N4BP3: variants seen among roughly 807,000 people sequenced by gnomAD.
N4BP3 encodes NEDD4-binding protein 3.
In N4BP3, 33 loss-of-function variants were observed where a neutral mutation model predicts 43.8. The observed-to-expected ratio is 0.75, with a 90% CI of 0.57 to 1.01. N4BP3 has a LOEUF of 1.01. N4BP3 is among the 50% of genes least tolerant of loss of function. N4BP3 has a pLI of 0.00. For missense variants in N4BP3, 756 were observed against 744.2 expected, an observed-to-expected ratio of 1.02 and a Z score of -0.18; for synonymous variants, 326 against 321.9, an observed-to-expected ratio of 1.01 and a Z score of -0.14.
At position 178,121,957 on chromosome 5, in the gene N4BP3, C is replaced by CCCCCCACACCCTGGAGT; in HGVS notation, c.1596_1612dup (p.Arg538ProfsTer20). 6 of 1,609,168 alleles carry CCCCCCACACCCTGGAGT rather than the reference C, an allele frequency of 3.7e-6. No homozygotes were observed. Among genetic ancestry groups the CCCCCCACACCCTGGAGT allele is most frequent in the Non-Finnish European group, 5.1e-6 (6 of 1,178,252 alleles). On this transcript the variant is annotated frameshift_variant, in exon 5 of 5. Transcript: ENST00000274605. LOFTEE classifies it high-confidence loss of function. ...GCAGGAACTGCGGGCACTGCGGGAGCCCCCCACACCCTGGAGTCCCCGGCT... is the reference window on the plus strand; with the variant it reads ...GCAGGAACTGCGGGCACTGCGGGAGCCCCCCACACCCTGGAGTCCCCCACACCCTGGAGTCCCCGGCT...
In N4BP3 at chr5:178,118,654, C is replaced by T. The variant is rs1221221307; in HGVS notation, c.-30-900C>T. Among the ~76,000 whole-genome samples, 1 of 152,124 alleles carries T rather than the reference C, an allele frequency of 6.6e-6. No homozygotes were observed. Among genetic ancestry groups the T allele is most frequent in the Non-Finnish European group, 1.5e-5 (1 of 68,020 alleles). ...TTGGGCCCTTCCTGTTTGTATCCCT[C>T]CCACTGTAGCCCCCAACCCTCCCCC... On this transcript the variant is annotated intron_variant, in intron 1 of 4. Coordinates refer to ENST00000274605, the MANE Select transcript of N4BP3 (RefSeq NM_015111.2). This position sits in a 1 kb window ranked among gnomAD's most constrained non-coding sequence, Gnocchi z 5.4.
intron 3 of N4BP3, among the ~76,000 whole-genome samples, 156 bp from the exon 4 acceptor site, chr5:178,120,942 C>G (rs1042335003): frequency 1.1e-4 from 17 of 152,194 alleles, no homozygotes; most frequent in African/African-American, 3.9e-4. Context: ...GATGGGGACA[C>G]CTCACCCTGG....
Position 178,121,771 on chromosome 5 carries a change from C to G in N4BP3, c.1405C>G (p.Arg469Gly). Reference protein sequence around the residue: ...SEARDSAEQLRAELLQERLRG... With the variant: ...SEARDSAEQLGAELLQERLRG... ...GGCCAGAGACAGTGCTGAGCAGCTG[C>G]GGGCTGAGCTGCTGCAGGAGCGACT... Residue 469 changes from arginine (R) to glycine (G), a missense_variant, in exon 5 of 5, where the codon CGG becomes GGG. Coordinates refer to ENST00000274605, the MANE Select transcript of N4BP3 (RefSeq NM_015111.2). 1 of 1,608,198 alleles carries G rather than the reference C, an allele frequency of 6.2e-7. No individual in the cohort carries two copies. The highest frequency in any genetic ancestry group is 8.5e-7 in the Non-Finnish European group (1 of 1,179,650).
chr5:178,113,845 A>G (rs1373218016), intron 1 of N4BP3, 74 bp downstream of exon 1: 2 of 151,938 alleles, frequency 1.3e-5, no homozygotes, highest in African/African-American at 4.8e-5. Flanking sequence ...CGGGTCGCCA[A>G]GGTCTTGTTT....
Position 178,121,260 on chromosome 5 carries a change from G to A in N4BP3, c.1015G>A (p.Ala339Thr), listed in dbSNP as rs1236207437. ...EQRRLRKELRAQQGLAPEPRA... is the reference protein window; with the variant it reads ...EQRRLRKELRTQQGLAPEPRA... Reference sequence around the variant, plus strand: ...GCGGCGCCTGCGCAAGGAGCTGCGGGCTCAGCAGGGCCTGGCTCCGGAGCC... The same window carrying A: ...GCGGCGCCTGCGCAAGGAGCTGCGGACTCAGCAGGGCCTGGCTCCGGAGCC... The change falls in exon 4 of 5, where the codon GCT (alanine) becomes ACT (threonine). Residue 339 changes from alanine to threonine, a missense_variant. Physicochemically the swap from Ala to Thr is moderately conservative, Grantham distance 58 (BLOSUM62 0). Transcript: ENST00000274605. 7 of 1,606,208 alleles carry A rather than the reference G, an allele frequency of 4.4e-6. No homozygotes were observed. The highest frequency in any genetic ancestry group is 5.9e-6 in the Non-Finnish European group (7 of 1,176,854).
chr5:178,114,205 C>T (rs1287997093), intron 1 of N4BP3, among the ~76,000 whole-genome samples: 1 of 152,232 alleles, frequency 6.6e-6, no homozygotes, highest in Non-Finnish European at 1.5e-5. Context: ...CCTCCCACCC[C>T]GCCCCCCAGG....
At position 178,120,751 on chromosome 5, in the gene N4BP3, C is replaced by T. The variant is rs770353297; in HGVS notation, c.852+52C>T. 3 of 1,499,812 alleles carry T rather than the reference C, an allele frequency of 2.0e-6. No individual in the cohort carries two copies. The South Asian group carries it at 4.0e-5, about 20-fold the overall frequency. The allele number at this position is 1,499,812 out of a possible 1,614,324, so 92.9% of individuals were successfully genotyped here. ...TGTTCTGTGCCTCAGCACTGGGGTA[C>T]AGGCCAGAGAGAGGGGCCCCAGCCA... On this transcript the variant is annotated intron_variant, in intron 3 of 4. Coordinates refer to ENST00000274605, the MANE Select transcript of N4BP3 (RefSeq NM_015111.2).
Position 178,123,427 on chromosome 5 carries a change from G to C in N4BP3, c.*1426G>C, listed in dbSNP as rs1288594952. The stretch of plus-strand genomic sequence containing the variant: ...ATGTCAGCTCACCAGTCTCTTCCCT[G>C]ACAGGGCAGCTCAGGGAACTTCTGA... On this transcript the variant is annotated 3_prime_UTR_variant, in exon 5 of 5. Coordinates refer to ENST00000274605, the MANE Select transcript of N4BP3 (RefSeq NM_015111.2). The C allele has an allele frequency of 6.6e-6, 1 of 152,314 alleles. No individual in the cohort carries two copies. The highest frequency in any genetic ancestry group is 6.5e-5 in the Admixed American group (1 of 15,292). 9.4% of individuals were successfully genotyped at this position (152,314 alleles called of 1,614,324 possible).
downstream of N4BP3, among the ~76,000 whole-genome samples, chr5:178,126,713 G>T (rs1379928542): frequency 6.6e-6 from 1 of 152,124 alleles, no homozygotes; most frequent in African/African-American, 2.4e-5. Context: ...GAATGCCATT[G>T]TCTTGAGCCC....
intron 2 of N4BP3, 103 bp from the exon 3 acceptor site, chr5:178,120,075 C>G (rs1013952040): frequency 6.7e-7 from 1 of 1,492,300 alleles, no homozygotes; most frequent in African/African-American, 1.4e-5. Context: ...ACGTGCCCCG[C>G]GGTCTCAAAG....
intron 3 of N4BP3, 76 bp downstream of exon 3, chr5:178,120,775 C>G: frequency 6.9e-7 from 1 of 1,455,234 alleles, no homozygotes; most frequent in Admixed American, 2.7e-5. Flanking sequence ...GGGCCCCAGC[C>G]AGTTCACCCA....
At chr5:178,121,409 C>T (rs1757920071) in intron 4 of N4BP3, 57 bp downstream of exon 4, 3 of 1,612,876 alleles carry the variant, frequency 1.9e-6, no homozygotes, top group Non-Finnish European at 2.5e-6. Context: ...GTCCCTTCTT[C>T]TGCCTGCCCC....
chr5:178,117,090 G>A (rs1473183982), intron 1 of N4BP3, among the ~76,000 whole-genome samples: 3 of 152,198 alleles, frequency 2.0e-5, no homozygotes, highest in Non-Finnish European at 2.9e-5. Flanking sequence ...TGGGATTACA[G>A]GTGTGAGCCA....
In N4BP3 at chr5:178,121,875, C is replaced by T. The variant is rs764110378; in HGVS notation, c.1509C>T (p.Tyr503=). Reference sequence around the variant, plus strand: ...AGGAGAAGGAGCGCGTGCTGCGCTACCAGCGGGAGATCCAGGGAGGGTACA... The same window carrying T: ...AGGAGAAGGAGCGCGTGCTGCGCTATCAGCGGGAGATCCAGGGAGGGTACA... ...WQEEKERVLR[Y]QREIQGGYMD... Residue 503 remains tyrosine, a synonymous_variant, in exon 5 of 5, where the codon TAC becomes TAT. Transcript: ENST00000274605. The T allele has an allele frequency of 3.7e-6, 6 of 1,609,936 alleles. No homozygotes were observed. Among genetic ancestry groups the T allele is most frequent in the Non-Finnish European group, 5.1e-6 (6 of 1,179,174 alleles).
Position 178,123,313 on chromosome 5 carries a change from T to G in N4BP3, c.*1312T>G, listed in dbSNP as rs968030534. ...GGGCTGCCATGCATTGCGTGCTTAC[T>G]GGGCGCCAGGTGCTGTGCTGGGCCC... On this transcript the variant is annotated 3_prime_UTR_variant, in exon 5 of 5. Coordinates refer to ENST00000274605, the MANE Select transcript of N4BP3 (RefSeq NM_015111.2). 6.6e-6 allele frequency: 1 copy of G among 152,378 alleles called. No individual in the cohort carries two copies. Among genetic ancestry groups the G allele is most frequent in the Non-Finnish European group, 1.5e-5 (1 of 68,138 alleles). The allele number at this position is 152,378 out of a possible 1,614,324, so 9.4% of individuals were successfully genotyped here.
intron 3 of N4BP3, among the ~76,000 whole-genome samples, 167 bp downstream of exon 3, chr5:178,120,866 A>G (rs1212044264): frequency 6.6e-6 from 1 of 152,144 alleles, no homozygotes; most frequent in Non-Finnish European, 1.5e-5. Context: ...TGGGGATGTC[A>G]TGTCACTGGG....
Position 178,118,034 on chromosome 5 carries a change from G to A in N4BP3, c.-30-1520G>A, listed in dbSNP as rs976300969. Among the ~76,000 whole-genome samples the A allele has an allele frequency of 1.3e-5, 2 of 152,186 alleles. No individual in the cohort carries two copies. Among genetic ancestry groups the A allele is most frequent in the African/African-American group, 4.8e-5 (2 of 41,460 alleles). On this transcript the variant is annotated intron_variant, in intron 1 of 4. Transcript: ENST00000274605. The surrounding 1 kb of genome is among the most constrained non-coding windows in gnomAD (Gnocchi z 5.4). ...AGTAGGGGACCCACAGCTGCAGCTGGCCTGCTGGGCTTCTGTTCGAGAATG... is the reference window on the plus strand; with the variant it reads ...AGTAGGGGACCCACAGCTGCAGCTGACCTGCTGGGCTTCTGTTCGAGAATG...
chr5:178,121,322 T>C lies in N4BP3; in HGVS notation c.1077T>C (p.Ser359=). 1 of 1,603,462 alleles carries C rather than the reference T, an allele frequency of 6.2e-7. No individual in the cohort carries two copies. The highest frequency in any genetic ancestry group is 8.5e-7 in the Non-Finnish European group (1 of 1,173,628). The stretch of plus-strand genomic sequence containing the variant: ...GCACCCTCCCAGAGGCTGACCCCAG[T>C]GCACGACCAGAGGAGGAAGCCCGAT... ...APGTLPEADP[S]ARPEEEARWE... The change falls in exon 4 of 5, where the codon AGT becomes AGC. Residue 359 remains serine (S), a synonymous_variant. Transcript: ENST00000274605.
intron 1 of N4BP3, among the ~76,000 whole-genome samples, chr5:178,116,881 G>T (rs940397054): frequency 9.9e-5 from 15 of 152,216 alleles, no homozygotes; most frequent in Admixed American, 2.0e-4. Flanking sequence ...GCCACACAGG[G>T]CTTACATTTC....
Sources: allele counts gnomAD v4.1 joint callset (sites outside exome capture counted in the v4.1 genomes callset), GRCh38; gene constraint gnomAD v4.1.1; non-coding constraint Gnocchi (gnomAD v3.1); transcripts MANE v1.5; gene names NCBI Gene and HGNC (gene_info 2026-07-23, HGNC 2026-07-21).